Variants in CTNNA3 observed in about 807,000 individuals in gnomAD.
The protein encoded by CTNNA3 is catenin alpha 3, also known as catenin alpha-3.
In CTNNA3, 76 loss-of-function variants were observed where a neutral mutation model predicts 95.7. The ratio of observed to expected loss-of-function variants is 0.79; its 90% CI spans 0.66 to 0.96. CTNNA3 has a LOEUF of 0.96. CTNNA3 is among the 40% of genes least tolerant of loss of function. The pLI is 0.00. For missense variants in CTNNA3, 1,191 were observed against 1,089.8 expected (o/e 1.09, Z -1.31); for synonymous variants, 431 against 374.4 (o/e 1.15, Z -1.74).
chr10:66,197,564 T>C (rs1009727846), intron 13 of CTNNA3, among the ~76,000 whole-genome samples: 18 of 152,184 alleles, frequency 1.2e-4, no homozygotes, highest in African/African-American at 3.9e-4. Flanking sequence ...AAAAGTATAC[T>C]CTATTAATGT....
At chr10:66,500,064 G>A (rs1397981775) in intron 11 of CTNNA3, among the ~76,000 whole-genome samples, 1 of 151,934 alleles carries the variant, frequency 6.6e-6, no homozygotes, top group Non-Finnish European at 1.5e-5. Context: ...GCCTCCCAAA[G>A]TGCTAGGATT....
At chr10:66,854,545 A>G (rs10822932) in intron 7 of CTNNA3, among the ~76,000 whole-genome samples, 131,906 of 151,778 alleles carry the variant, frequency 0.87, 57,803 homozygotes, top group African/African-American at 0.97. Flanking sequence ...TATTTTGGAA[A>G]GTCAGAGGGA....
intron 15 of CTNNA3, among the ~76,000 whole-genome samples, chr10:66,006,198 A>G (rs1261779039): frequency 6.6e-6 from 1 of 151,880 alleles, no homozygotes; most frequent in Non-Finnish European, 1.5e-5. Context: ...TATTTTTAGT[A>G]GAGACGGGGC....
intron 12 of CTNNA3, among the ~76,000 whole-genome samples, chr10:66,319,598 G>A (rs2092153794): frequency 6.6e-6 from 1 of 151,936 alleles, no homozygotes; most frequent in South Asian, 2.1e-4. Flanking sequence ...TAACTTCCAG[G>A]GAAAATCTAA....
At chr10:66,481,533 A>G (rs4522051) in intron 11 of CTNNA3, among the ~76,000 whole-genome samples, 19,502 of 119,612 alleles carry the variant, frequency 0.16, 3,714 homozygotes, top group East Asian at 0.83. Flanking sequence ...CTGCAGTGGC[A>G]CGATCTCGGC....
intron 15 of CTNNA3, among the ~76,000 whole-genome samples, chr10:66,026,511 A>G (rs1260691837): frequency 6.6e-6 from 1 of 152,172 alleles, no homozygotes. Flanking sequence ...CATCTGCAGA[A>G]CAACAAGGGC....
chr10:67,012,240 C>G (rs1852382244), intron 7 of CTNNA3: 1 of 152,132 alleles, frequency 6.6e-6, no homozygotes, highest in Non-Finnish European at 1.5e-5. Context: ...AATTTCAGAG[C>G]TGAAAGGGAT....
chr10:66,841,247 A>G (rs1249176299), intron 7 of CTNNA3, among the ~76,000 whole-genome samples: 2 of 151,986 alleles, frequency 1.3e-5, no homozygotes, highest in Non-Finnish European at 2.9e-5. Flanking sequence ...AAACGGTGTA[A>G]CTGCAGTATA....
chr10:66,993,797 A>C (rs1354823832), intron 7 of CTNNA3, among the ~76,000 whole-genome samples: 2 of 151,780 alleles, frequency 1.3e-5, no homozygotes, highest in Non-Finnish European at 2.9e-5. Context: ...ATTCTAATAA[A>C]TATATTTTGT....
intron 17 of CTNNA3, among the ~76,000 whole-genome samples, chr10:65,953,813 C>A (rs10996790): frequency 3.9e-5 from 6 of 152,140 alleles, no homozygotes; most frequent in Non-Finnish European, 8.8e-5. Context: ...GGTTCCAAGT[C>A]TTTGCTATTG....
intron 5 of CTNNA3, among the ~76,000 whole-genome samples, chr10:67,248,295 G>A (rs1001817540): frequency 2.6e-5 from 4 of 152,156 alleles, no homozygotes; most frequent in African/African-American, 9.7e-5. Flanking sequence ...CCCTGATTGT[G>A]TCACTGCACT....
At chr10:66,744,285 T>C (rs780830774) in intron 9 of CTNNA3, among the ~76,000 whole-genome samples, 10 of 152,194 alleles carry the variant, frequency 6.6e-5, no homozygotes, top group Non-Finnish European at 1.5e-4. Context: ...TTCCTTTGAA[T>C]TGGCCAAAAA....
At chr10:66,771,252 C>G (rs933558351) in intron 8 of CTNNA3, among the ~76,000 whole-genome samples, 2 of 152,122 alleles carry the variant, frequency 1.3e-5, no homozygotes, top group African/African-American at 2.4e-5. Context: ...TTAATATACA[C>G]AAATACAAAT....
At chr10:66,567,459 AAAT>A (rs1370927588) in intron 10 of CTNNA3, among the ~76,000 whole-genome samples, 1 of 151,994 alleles carries the variant, frequency 6.6e-6, no homozygotes, top group Non-Finnish European at 1.5e-5. Context: ...TCTCTGTGAA[AAAT>A]AAGATAATTA....
intron 10 of CTNNA3, among the ~76,000 whole-genome samples, chr10:66,617,151 T>G (rs1278491691): frequency 6.6e-6 from 1 of 151,972 alleles, no homozygotes; most frequent in Non-Finnish European, 1.5e-5. Context: ...ATAATAAAGG[T>G]AACAAATTAA....
At chr10:67,089,022 T>C (rs1008171552) in intron 7 of CTNNA3, among the ~76,000 whole-genome samples, 2 of 152,066 alleles carry the variant, frequency 1.3e-5, no homozygotes, top group Non-Finnish European at 2.9e-5. Context: ...TTATGAGTAA[T>C]CTACAGGTGA....
intron 7 of CTNNA3, among the ~76,000 whole-genome samples, chr10:67,174,404 C>G (rs1457314109): frequency 2.0e-5 from 3 of 152,098 alleles, no homozygotes; most frequent in Non-Finnish European, 2.9e-5. Flanking sequence ...CTCTTAAACC[C>G]CAAAGTGGAT....
chr10:67,347,988 T>C (rs1434065202), intron 5 of CTNNA3, among the ~76,000 whole-genome samples: 1 of 151,994 alleles, frequency 6.6e-6, no homozygotes, highest in Non-Finnish European at 1.5e-5. Flanking sequence ...GAAACGTCAA[T>C]ATAAAAAACA....
chr10:66,208,275 A>T (rs2087896064), intron 13 of CTNNA3, among the ~76,000 whole-genome samples: 1 of 152,120 alleles, frequency 6.6e-6, no homozygotes, highest in Admixed American at 6.6e-5. Flanking sequence ...AAGAGAAACG[A>T]AAAGAATTCT....
Sources: allele counts gnomAD v4.1 joint callset (sites outside exome capture counted in the v4.1 genomes callset), GRCh38; gene constraint gnomAD v4.1.1; transcripts MANE v1.5; gene names NCBI Gene and HGNC (gene_info 2026-07-23, HGNC 2026-07-21).